Variants in MED13L observed in about 807,000 individuals in gnomAD.
The protein encoded by MED13L is mediator complex subunit 13L.
A neutral mutation model predicts 220.9 loss-of-function variants in MED13L; 7 were observed. The observed-to-expected ratio is 0.03, with a 90% CI of 0.02 to 0.06. The LOEUF is 0.06. MED13L is among the 10% of genes least tolerant of loss of function. The pLI is 1.00. For synonymous variants in MED13L, 1,011 were observed against 1,015.2 expected (o/e 1.00, Z 0.08); for missense variants, 1,965 against 2,760.5 (o/e 0.71, Z 6.46).
At chr12:115,971,251 A>ACAT (rs1876563110) in intron 26 of MED13L, among the ~76,000 whole-genome samples, 1 of 152,202 alleles carries the variant, frequency 6.6e-6, no homozygotes. Flanking sequence ...GAAGGTAGGA[A>ACAT]CTATGATCCC....
intron 2 of MED13L, among the ~76,000 whole-genome samples, chr12:116,208,927 T>C (rs1322139020): frequency 2.4e-4 from 36 of 152,114 alleles, no homozygotes; most frequent in East Asian, 3.9e-4. Flanking sequence ...GCTATGACTG[T>C]GCCACTGTAC....
rs200877962 is a variant in MED13L at position 116,019,758 on chromosome 12, G to A, written c.820+20C>T. 3 of 1,608,762 alleles carry A rather than the reference G, an allele frequency of 1.9e-6. No homozygotes were observed. The African/African-American group carries it at 4.0e-5, about 21-fold the overall frequency. ...AGAGGAAGAAGAATAAAGTTCTTCA[G>A]GCAAAATATTTTCTCTTACCAACAA... On this transcript the variant is annotated intron_variant, in intron 6 of 30. Transcript: ENST00000281928.
At chr12:116,218,881 G>A (rs750563066) in intron 2 of MED13L, among the ~76,000 whole-genome samples, 16 of 152,046 alleles carry the variant, frequency 1.1e-4, no homozygotes, top group Non-Finnish European at 2.2e-4. Flanking sequence ...TTACAGGCAT[G>A]TGCCACCACA....
Position 116,277,652 on chromosome 12 carries a change from C to T in MED13L, c.-521G>A, listed in dbSNP as rs1345341414. On this transcript the variant is annotated 5_prime_UTR_variant, in exon 1 of 31. Coordinates refer to ENST00000281928, the MANE Select transcript of MED13L (RefSeq NM_015335.5). ...CCCCCCCCTCCTCCCCAGTCAGCCT[C>T]GCTTCTCCTCCCTCCCCGGGCTCGC... Among the ~76,000 whole-genome samples, 1 of 149,674 alleles carries T rather than the reference C, an allele frequency of 6.7e-6. No homozygotes were observed. The highest frequency in any genetic ancestry group is 1.5e-5 in the Non-Finnish European group (1 of 67,028).
At chr12:116,058,018 C>T (rs930816961) in intron 4 of MED13L, among the ~76,000 whole-genome samples, 7 of 152,024 alleles carry the variant, frequency 4.6e-5, no homozygotes, top group South Asian at 2.1e-4. Context: ...GATTAAATCA[C>T]GAAAAATTCA....
At chr12:116,154,407 A>G (rs1451589585) in intron 2 of MED13L, among the ~76,000 whole-genome samples, 1 of 152,200 alleles carries the variant, frequency 6.6e-6, no homozygotes, top group Non-Finnish European at 1.5e-5. Context: ...CATAGATTCA[A>G]CTTCCCACCA....
At chr12:116,022,306 G>T in intron 5 of MED13L, 150 bp downstream of exon 5, 1 of 913,630 alleles carries the variant, frequency 1.1e-6, no homozygotes, top group Non-Finnish European at 1.7e-6. Flanking sequence ...TGAAATGGTA[G>T]TCTTTTCTTC....
chr12:116,097,548 A>T (rs1370270197), intron 3 of MED13L, among the ~76,000 whole-genome samples: 2 of 152,206 alleles, frequency 1.3e-5, no homozygotes, highest in East Asian at 3.8e-4. Flanking sequence ...TCTCAGTGAC[A>T]AAAATACAGC....
intron 2 of MED13L, among the ~76,000 whole-genome samples, chr12:116,167,997 AATC>A (rs1373952537): frequency 1.3e-5 from 2 of 152,182 alleles, no homozygotes; most frequent in Non-Finnish European, 2.9e-5. Flanking sequence ...AAAAAATAAA[AATC>A]ATTTTAACAC....
chr12:116,236,348 T>C (rs1870078862), intron 2 of MED13L, among the ~76,000 whole-genome samples: 1 of 152,182 alleles, frequency 6.6e-6, no homozygotes, highest in Admixed American at 6.5e-5. Context: ...TTTACCGCCC[T>C]CTGGCTGCTG....
chr12:116,213,039 A>G (rs1882793275), intron 2 of MED13L, among the ~76,000 whole-genome samples: 1 of 152,216 alleles, frequency 6.6e-6, no homozygotes, highest in South Asian at 2.1e-4. Flanking sequence ...TAGCATCTAA[A>G]AAGTCTTATG....
At chr12:116,046,260 TA>T (rs1055677704) in intron 4 of MED13L, among the ~76,000 whole-genome samples, 1 of 152,002 alleles carries the variant, frequency 6.6e-6, no homozygotes, top group South Asian at 2.1e-4. Context: ...ATAGTCAGTG[TA>T]AAAAACAAAA....
At chr12:116,087,128 CTTA>C (rs1403197186) in intron 4 of MED13L, among the ~76,000 whole-genome samples, 2 of 152,034 alleles carry the variant, frequency 1.3e-5, no homozygotes, top group Non-Finnish European at 2.9e-5. Context: ...AAAAATTCTC[CTTA>C]TTTTTTTCTA....
chr12:116,108,570 A>G (rs1873802299), intron 3 of MED13L, among the ~76,000 whole-genome samples: 1 of 152,224 alleles, frequency 6.6e-6, no homozygotes, highest in Non-Finnish European at 1.5e-5. Context: ...TTTCATTCAT[A>G]GAACAAAGTT....
At chr12:116,064,998 C>G in intron 4 of MED13L, among the ~76,000 whole-genome samples, 1 of 152,136 alleles carries the variant, frequency 6.6e-6, no homozygotes, top group Middle Eastern at 3.2e-3. Flanking sequence ...AAAAGCATCA[C>G]TAAGTGATTT....
In MED13L at chr12:115,959,515, A is replaced by C. The variant is rs916229358; in HGVS notation, c.*1751T>G. 3.9e-5 allele frequency: 6 copies of C among 152,636 alleles called. No individual in the cohort carries two copies. The highest frequency in any genetic ancestry group is 7.3e-5 in the Non-Finnish European group (5 of 68,038). 9.5% of individuals were successfully genotyped at this position (152,636 alleles called of 1,614,324 possible). ...AATTTTATACAAGTTTACAATCTTC[A>C]TCTTCTTATGCTCTTCAAAAGGCCT... is the stretch of plus-strand genomic sequence containing the variant. On this transcript the variant is annotated 3_prime_UTR_variant, in exon 31 of 31. Coordinates refer to ENST00000281928, the MANE Select transcript of MED13L (RefSeq NM_015335.5).
chr12:115,967,168 CTCAAAA>C (rs1876227705), intron 28 of MED13L, among the ~76,000 whole-genome samples: 1 of 41,034 alleles, frequency 2.4e-5, no homozygotes. Context: ...GAGACTCTGT[CTCAAAA>C]AAAAAAAAAA....
intron 7 of MED13L, among the ~76,000 whole-genome samples, chr12:116,018,603 A>T (rs568024164): frequency 6.6e-6 from 1 of 152,188 alleles, no homozygotes; most frequent in Non-Finnish European, 1.5e-5. Context: ...TTAATATAGG[A>T]ACTATACTAC....
intron 2 of MED13L, among the ~76,000 whole-genome samples, chr12:116,205,928 A>G (rs940590392): frequency 7.1e-6 from 1 of 140,878 alleles, no homozygotes; most frequent in Non-Finnish European, 1.5e-5. Flanking sequence ...AATGCACTGC[A>G]TAACTAAAAA....
Sources: allele counts gnomAD v4.1 joint callset (sites outside exome capture counted in the v4.1 genomes callset), GRCh38; gene constraint gnomAD v4.1.1; transcripts MANE v1.5; gene names NCBI Gene and HGNC (gene_info 2026-07-23, HGNC 2026-07-21).